Variants in P3H2 observed in about 807,000 individuals in gnomAD.
P3H2 encodes the protein leprecan-like 1.
A neutral mutation model predicts 87.0 loss-of-function variants in P3H2; 80 were observed. The ratio of observed to expected loss-of-function variants is 0.92; its 90% CI spans 0.77 to 1.11. The LOEUF is 1.11. Among genes scored for constraint, P3H2 ranks in the 50% least tolerant of loss-of-function variants. P3H2 has a pLI of 0.00. For missense variants in P3H2, 1,001 were observed against 923.9 expected (o/e 1.08, Z -1.08); for synonymous variants, 367 against 359.3 (o/e 1.02, Z -0.24).
At position 189,977,937 on chromosome 3, in the gene P3H2, A is replaced by T. The variant is rs138383819; in HGVS notation, c.1325-3252T>A. Among the ~76,000 whole-genome samples the T allele has an allele frequency of 4.3e-3, 648 of 152,146 alleles. 5 individuals carry two copies. The highest frequency in any genetic ancestry group is 0.015 in the African/African-American group (610 of 41,514). On this transcript the variant is annotated intron_variant, in intron 8 of 14. Coordinates refer to ENST00000319332, the MANE Select transcript of P3H2 (RefSeq NM_018192.4). ...GTAGTCTTTTAAAAATCCCCCCTAA[A>T]CGTCTTAGCATAGAACGCAATTTGG... is the stretch of plus-strand genomic sequence containing the variant.
At chr3:190,115,649 T>A (rs1712260953) in intron 1 of P3H2, among the ~76,000 whole-genome samples, 1 of 152,176 alleles carries the variant, frequency 6.6e-6, no homozygotes, top group South Asian at 2.1e-4. Flanking sequence ...CCAGAACTTG[T>A]AAGTAGAAAA....
At chr3:189,969,683 C>T in intron 13 of P3H2, 2 of 1,294,220 alleles carry the variant, frequency 1.5e-6, no homozygotes, top group Non-Finnish European at 2.3e-6. Flanking sequence ...CCTCCCATGC[C>T]TTGCAAGGAG....
rs748057759 is a variant in P3H2 at position 189,964,088 on chromosome 3, T to A, written c.1904A>T (p.Lys635Ile). ...MDAKTVTASI[K>I]PKCGRMISFS... ...GCTGATCATGCGCCCACATTTTGGT[T>A]TTATAGAGGCCTGAGAAAGAAAGCA... Residue 635 changes from lysine to isoleucine, a missense_variant, in exon 14 of 15, where the codon AAA (lysine) becomes ATA (isoleucine). Transcript: ENST00000319332. 6.2e-7 allele frequency: 1 copy of A among 1,614,040 alleles called. No individual in the cohort carries two copies. The highest frequency in any genetic ancestry group is 8.5e-7 in the Non-Finnish European group (1 of 1,180,012).
At chr3:190,103,365 C>A (rs1711704765) in intron 1 of P3H2, among the ~76,000 whole-genome samples, 1 of 152,162 alleles carries the variant, frequency 6.6e-6, no homozygotes, top group South Asian at 2.1e-4. Context: ...AGGTATTGAT[C>A]ATAAGACTAT....
At chr3:190,027,290 A>T (rs1560368562) in intron 1 of P3H2, among the ~76,000 whole-genome samples, 1 of 152,216 alleles carries the variant, frequency 6.6e-6, no homozygotes, top group Non-Finnish European at 1.5e-5. Flanking sequence ...TATACCATGA[A>T]GCAAAGATGA....
At chr3:190,055,842 G>A (rs1726136059) in intron 1 of P3H2, among the ~76,000 whole-genome samples, 1 of 152,204 alleles carries the variant, frequency 6.6e-6, no homozygotes, top group Non-Finnish European at 1.5e-5. Flanking sequence ...TCTAAAAAGA[G>A]CCTCTTTTTC....
chr3:190,031,359 C>T (rs1398875250), intron 1 of P3H2, among the ~76,000 whole-genome samples: 2 of 98,408 alleles, frequency 2.0e-5, no homozygotes, highest in Non-Finnish European at 4.1e-5. Flanking sequence ...AAGTGTATGC[C>T]GGGCATGAGG....
At chr3:190,068,952 G>A (rs574407164) in intron 1 of P3H2, among the ~76,000 whole-genome samples, 29 of 151,986 alleles carry the variant, frequency 1.9e-4, no homozygotes, top group African/African-American at 7.0e-4. Flanking sequence ...CCAACTAAAC[G>A]TTTGCTATCG....
At chr3:189,971,807 A>G (rs2108908209) in intron 12 of P3H2, 83 bp downstream of exon 12, 1 of 861,006 alleles carries the variant, frequency 1.2e-6, no homozygotes, top group East Asian at 2.4e-5. Flanking sequence ...CACGACGTCA[A>G]GCAAAACAGA....
chr3:190,066,701 T>C (rs921837894), intron 1 of P3H2, among the ~76,000 whole-genome samples: 15 of 152,120 alleles, frequency 9.9e-5, no homozygotes, highest in African/African-American at 3.4e-4. Context: ...GATAGTGAAA[T>C]CCCTCTACTT....
chr3:190,085,350 C>A (rs977164001), intron 1 of P3H2, among the ~76,000 whole-genome samples: 1 of 152,188 alleles, frequency 6.6e-6, no homozygotes, highest in African/African-American at 2.4e-5. Flanking sequence ...TTGATACAGA[C>A]ATACTCAAAG....
intron 1 of P3H2, among the ~76,000 whole-genome samples, chr3:190,007,565 C>T (rs552353998): frequency 6.6e-6 from 1 of 152,000 alleles, no homozygotes; most frequent in South Asian, 2.1e-4. Flanking sequence ...GGTCTTTTCC[C>T]AGACAGAAAG....
At chr3:190,067,795 T>C (rs1433562056) in intron 1 of P3H2, among the ~76,000 whole-genome samples, 1 of 152,194 alleles carries the variant, frequency 6.6e-6, no homozygotes, top group East Asian at 1.9e-4. Flanking sequence ...TATTTATCTA[T>C]ATCTGGAATC....
chr3:190,038,044 C>G (rs1300670191), intron 1 of P3H2, among the ~76,000 whole-genome samples: 1 of 152,016 alleles, frequency 6.6e-6, no homozygotes. Context: ...AAAAATAAAA[C>G]TGAATTAGAA....
chr3:190,014,496 G>A (rs1724691086), intron 1 of P3H2, among the ~76,000 whole-genome samples: 2 of 152,192 alleles, frequency 1.3e-5, no homozygotes, highest in Non-Finnish European at 2.9e-5. Flanking sequence ...ATGAAAGCAG[G>A]CTGCCTAGAA....
At chr3:190,022,861 C>T (rs555291748) in intron 1 of P3H2, among the ~76,000 whole-genome samples, 14 of 152,178 alleles carry the variant, frequency 9.2e-5, no homozygotes, top group Non-Finnish European at 1.9e-4. Flanking sequence ...GAGTCTCACT[C>T]TTTTGCCCAG....
At chr3:189,986,988 A>AATAT (rs747614765) in intron 5 of P3H2, 111 bp from the exon 6 acceptor site, 13 of 756,908 alleles carry the variant, frequency 1.7e-5, no homozygotes, top group Non-Finnish European at 2.6e-5. Context: ...TGAGCTAACA[A>AATAT]ATATTCAGAA....
intron 1 of P3H2, among the ~76,000 whole-genome samples, chr3:190,119,964 C>T (rs1338674238): frequency 6.6e-6 from 1 of 152,024 alleles, no homozygotes; most frequent in African/African-American, 2.4e-5. Flanking sequence ...TTTGTCAATG[C>T]CTCATGAATT....
chr3:190,116,601 G>A (rs1486825672), intron 1 of P3H2: 1 of 152,324 alleles, frequency 6.6e-6, no homozygotes, highest in Non-Finnish European at 1.5e-5. Flanking sequence ...AGGCGGCAGA[G>A]TTGGGGAAGA....
Sources: gnomAD v4.1 joint callset for allele counts (sites outside exome capture counted in the v4.1 genomes callset) on GRCh38, gnomAD v4.1.1 for gene constraint, MANE v1.5 for transcripts, NCBI Gene and HGNC (gene_info 2026-07-23, HGNC 2026-07-21) for gene names.